U2SURP: variants seen among roughly 807,000 people sequenced by gnomAD.
The protein encoded by U2SURP is U2 snRNP associated SURP domain containing, also known as U2 snRNP-associated SURP motif-containing protein.
In U2SURP, 9 loss-of-function variants were observed where a neutral mutation model predicts 144.9. The observed-to-expected ratio is 0.06, with a 90% confidence interval of 0.04 to 0.11. The LOEUF (loss-of-function observed/expected upper bound fraction) is 0.11, where lower values mean the gene tolerates loss of function less well. U2SURP is among the 10% of genes least tolerant of loss of function. The pLI is 1.00. For missense variants in U2SURP, 724 were observed against 1,226.7 expected, an observed-to-expected ratio of 0.59 and a Z score of 6.12; for synonymous variants, 408 against 396.8, an observed-to-expected ratio of 1.03 and a Z score of -0.33.
At chr3:143,027,548 T>C (rs970570326) in intron 14 of U2SURP, among the ~76,000 whole-genome samples, 13 of 152,206 alleles carry the variant, frequency 8.5e-5, no homozygotes, top group South Asian at 2.1e-4. Context: ...ATATTTGTCC[T>C]TTTGTGACTA....
rs115648437 is a variant in U2SURP at position 143,002,116 on chromosome 3, C to G, written c.45+443C>G. 3.8e-4 allele frequency: 91 copies of G among 239,098 alleles called. 1 individual carries two copies. Among genetic ancestry groups the G allele is most frequent in the African/African-American group, 2.1e-3 (90 of 42,126 alleles). 14.8% of individuals were successfully genotyped at this position (239,098 alleles called of 1,614,324 possible). A position where few individuals can be genotyped will look rare whatever the true frequency, so the allele number is the denominator to read the frequency against. ...TCACTTCCGGCCTCCCTCAGTTTCC[C>G]TCCAAGGAATGAATAACCTCTAGGG... On this transcript the variant is annotated intron_variant, in intron 1 of 27. Coordinates refer to ENST00000473835, the MANE Select transcript of U2SURP (RefSeq NM_001080415.2).
chr3:143,047,902 C>CCT (rs1934625056), intron 24 of U2SURP, among the ~76,000 whole-genome samples: 1 of 147,456 alleles, frequency 6.8e-6, no homozygotes, highest in Non-Finnish European at 1.5e-5. Context: ...ACCTCCCTCC[C>CCT]GGACGGGGTC....
chr3:143,022,932 G>T lies in U2SURP; in HGVS notation c.1098G>T (p.Pro366=), dbSNP rs370500835. 1.9e-6 allele frequency: 3 copies of T among 1,612,628 alleles called. No homozygotes were observed. The highest frequency in any genetic ancestry group is 1.7e-5 in the Admixed American group (1 of 59,804). The part of the protein sequence containing the change: ...VPIPPHPIYI[P]PSMMEHTLPP... ...TTCCTCCACATCCAATATACATTCC[G>T]CCTTCTATGATGGAACATACGCTTC... The change falls in exon 12 of 28, where the codon CCG becomes CCT. Residue 366 remains proline, a synonymous_variant. Coordinates refer to ENST00000473835, the MANE Select transcript of U2SURP (RefSeq NM_001080415.2).
intron 1 of U2SURP, among the ~76,000 whole-genome samples, 176 bp downstream of exon 1, chr3:143,001,849 A>C (rs1560169426): frequency 6.6e-6 from 1 of 152,198 alleles, no homozygotes; most frequent in East Asian, 1.9e-4. Context: ...ATCTCCCCAT[A>C]GTCCCAGCCG....
At chr3:143,037,645 G>A (rs866386156) in intron 21 of U2SURP, among the ~76,000 whole-genome samples, 2 of 151,904 alleles carry the variant, frequency 1.3e-5, no homozygotes, top group South Asian at 2.1e-4. Flanking sequence ...AAAATCTTGT[G>A]CTCAGTTATG....
chr3:143,057,716 G>T lies in U2SURP; in HGVS notation c.*1266G>T, dbSNP rs977931282. ...GGCACTTCATACACTGGTTTGATGG[G>T]TTTTTTTTTTCCTCCCTAAAAGAGA... On this transcript the variant is annotated 3_prime_UTR_variant, in exon 28 of 28. Transcript: ENST00000473835. The T allele has an allele frequency of 8.7e-5, 13 of 148,614 alleles. No homozygotes were observed. Among genetic ancestry groups the T allele is most frequent in the South Asian group, 2.1e-4 (1 of 4,714 alleles). The allele number at this position is 148,614 out of a possible 1,614,324, so 9.2% of individuals were successfully genotyped here. A position where few individuals can be genotyped will look rare whatever the true frequency, so the allele number is the denominator to read the frequency against.
intron 13 of U2SURP, among the ~76,000 whole-genome samples, chr3:143,024,239 GT>G (rs1252003987): frequency 6.6e-6 from 1 of 152,098 alleles, no homozygotes; most frequent in Non-Finnish European, 1.5e-5. Context: ...TGTAGGGAAT[GT>G]TTATAGTTTG....
intron 1 of U2SURP, among the ~76,000 whole-genome samples, chr3:143,004,353 GTTTT>G (rs869186497): frequency 1.1e-3 from 88 of 83,408 alleles, no homozygotes; most frequent in African/African-American, 3.5e-3. Flanking sequence ...TAGTTGGGGT[GTTTT>G]TTTTTTTTTT....
chr3:143,043,315 C>T, intron 24 of U2SURP, 39 bp downstream of exon 24: 1 of 1,547,022 alleles, frequency 6.5e-7, no homozygotes, highest in Non-Finnish European at 8.7e-7. Context: ...ACTTTATTGG[C>T]TTTTCACTTT....
At chr3:143,052,193 A>G (rs557339215) in intron 25 of U2SURP, among the ~76,000 whole-genome samples, 3 of 152,130 alleles carry the variant, frequency 2.0e-5, no homozygotes, top group Non-Finnish European at 4.4e-5. Context: ...TCAGGAGTTC[A>G]AGACCAGCCT....
intron 14 of U2SURP, 48 bp from the exon 15 acceptor site, chr3:143,028,292 G>T: frequency 1.3e-6 from 2 of 1,527,206 alleles, no homozygotes; most frequent in Non-Finnish European, 1.8e-6. Flanking sequence ...ATTGAAGATA[G>T]CTCTTTGTTA....
chr3:143,046,814 G>A (rs1408980735), intron 24 of U2SURP, among the ~76,000 whole-genome samples: 5 of 129,344 alleles, frequency 3.9e-5, no homozygotes, highest in East Asian at 2.3e-4. Context: ...ATCATGGCCC[G>A]TTCTCAATGA....
intron 1 of U2SURP, among the ~76,000 whole-genome samples, chr3:143,005,910 A>G (rs186298978): frequency 1.4e-3 from 215 of 152,250 alleles, no homozygotes; most frequent in African/African-American, 5.1e-3. Context: ...AAAATCAAAA[A>G]TAGTAATATT....
At chr3:143,016,612 A>G (rs867048716) in intron 5 of U2SURP, among the ~76,000 whole-genome samples, 2 of 152,298 alleles carry the variant, frequency 1.3e-5, no homozygotes, top group East Asian at 1.9e-4. Flanking sequence ...GTTCCTTTCA[A>G]GTTTTAAGAC....
chr3:143,012,386 A>G (rs1175055187), intron 3 of U2SURP, 33 bp downstream of exon 3: 1 of 1,554,642 alleles, frequency 6.4e-7, no homozygotes, highest in South Asian at 1.2e-5. Flanking sequence ...AAAGATAAGA[A>G]AGGATAGTTA....
intron 16 of U2SURP, among the ~76,000 whole-genome samples, chr3:143,029,901 C>G (rs1933380589): frequency 6.6e-6 from 1 of 152,174 alleles, no homozygotes; most frequent in Non-Finnish European, 1.5e-5. Context: ...AAGATCAGAC[C>G]AGCCATAGCA....
intron 18 of U2SURP, chr3:143,034,431 G>GT (rs1291763602): frequency 4.6e-5 from 7 of 152,080 alleles, no homozygotes; most frequent in African/African-American, 1.2e-4. Flanking sequence ...CTTTTCCTCT[G>GT]TTCCCCAGAG....
At position 143,056,560 on chromosome 3, in the gene U2SURP, TTTTG is replaced by T. The variant is rs1449862708; in HGVS notation, c.*120_*123del. ...CAAATGAAAGAGCATTCCTGGGGTT[TTTTG>T]TTTGTTTGTGTATGCATGTGTAAAC... On this transcript the variant is annotated 3_prime_UTR_variant, in exon 28 of 28. Coordinates refer to ENST00000473835, the MANE Select transcript of U2SURP (RefSeq NM_001080415.2). 25 of 1,393,714 alleles carry T rather than the reference TTTTG, an allele frequency of 1.8e-5. No homozygotes were observed. Among genetic ancestry groups the T allele is most frequent in the African/African-American group, 1.6e-4 (11 of 68,754 alleles). 86.3% of individuals were successfully genotyped at this position (1,393,714 alleles called of 1,614,324 possible). A position where few individuals can be genotyped will look rare whatever the true frequency, so the allele number is the denominator to read the frequency against.
In U2SURP at chr3:143,028,423, A is replaced by T; in HGVS notation, c.1446+17A>T. 1 of 1,611,704 alleles carries T rather than the reference A, an allele frequency of 6.2e-7. No individual in the cohort carries two copies. The highest frequency in any genetic ancestry group is 2.2e-5 in the East Asian group (1 of 44,816). ...ATTCTGCAGGCAAGTAGAATCAATT[A>T]CTTTGTTAATTTTGACTCTGAGTAA... On this transcript the variant is annotated intron_variant, in intron 15 of 27. Transcript: ENST00000473835.
Sources: gnomAD v4.1 joint callset for allele counts (sites outside exome capture counted in the v4.1 genomes callset) on GRCh38, gnomAD v4.1.1 for gene constraint, MANE v1.5 for transcripts, NCBI Gene and HGNC (gene_info 2026-07-23, HGNC 2026-07-21) for gene names.